Variants in GNA11 observed in about 807,000 individuals in gnomAD.
GNA11 encodes the protein guanine nucleotide-binding protein subunit alpha-11.
A neutral mutation model predicts 38.2 loss-of-function variants in GNA11; 8 were observed. The observed-to-expected ratio is 0.21, with a 90% CI of 0.12 to 0.38. GNA11 has a LOEUF of 0.38. GNA11 is among the 10% of genes least tolerant of loss of function. The probability of loss-of-function intolerance (pLI) is 1.00; values close to 1 mark genes in which losing one functional copy is unlikely to be tolerated. For synonymous variants in GNA11, 211 were observed against 221.4 expected (o/e 0.95, Z 0.42); for missense variants, 268 against 516.3 (o/e 0.52, Z 4.66).
At chr19:3,115,257 T>C in intron 4 of GNA11, 185 bp downstream of exon 4, 1 of 568,222 alleles carries the variant, frequency 1.8e-6, no homozygotes. Flanking sequence ...TTTTAAAAAT[T>C]AGCTGGGCGT....
chr19:3,115,778 T>G (rs1599305489), intron 4 of GNA11, among the ~76,000 whole-genome samples: 3 of 11,742 alleles, frequency 2.6e-4, no homozygotes, highest in Non-Finnish European at 4.4e-4. Flanking sequence ...ACCGAGGCTG[T>G]GAGGGGAGGG....
intron 1 of GNA11, among the ~76,000 whole-genome samples, chr19:3,106,760 G>A (rs1459017134): frequency 1.3e-5 from 2 of 150,962 alleles, no homozygotes; most frequent in African/African-American, 2.5e-5. Context: ...ACATGTATGT[G>A]TGGGTGTGCA....
At position 3,108,687 on chromosome 19, in the gene GNA11, C is replaced by T. The variant is rs888755790; in HGVS notation, c.137-1462C>T. Among the ~76,000 whole-genome samples the T allele has an allele frequency of 3.3e-5, 5 of 152,158 alleles. No homozygotes were observed. The highest frequency in any genetic ancestry group is 2.1e-4 in the South Asian group (1 of 4,828). On this transcript the variant is annotated intron_variant, in intron 1 of 6. Coordinates refer to ENST00000078429, the MANE Select transcript of GNA11 (RefSeq NM_002067.5). This position sits in a 1 kb window ranked among gnomAD's most constrained non-coding sequence, Gnocchi z 4.5. The stretch of plus-strand genomic sequence containing the variant: ...GTGTAATGGGGTCACCCCAAAACTT[C>T]GCAACTTAAATTAACAAAACTTATT...
chr19:3,109,826 C>T lies in GNA11; in HGVS notation c.137-323C>T, dbSNP rs167422. On this transcript the variant is annotated intron_variant, in intron 1 of 6. Transcript: ENST00000078429. ...ACAGTCCCAGCTGCGGGGCCGGTGCCGTGCGACTTGATTTGGCCTGAGACC... is the reference window on the plus strand; with the variant it reads ...ACAGTCCCAGCTGCGGGGCCGGTGCTGTGCGACTTGATTTGGCCTGAGACC... 3.9e-3 allele frequency among the ~76,000 whole-genome samples: 596 copies of T among 152,272 alleles called. 7 individuals are homozygous for T. The highest frequency in any genetic ancestry group is 0.014 in the African/African-American group (564 of 41,548).
rs1470408452 is a variant in GNA11 at position 3,120,297 on chromosome 19, C to T, written c.890-692C>T. ...GGGCGCTGCACCTGCTCCAGCCGCA[C>T]GTGGCCCCTGCCCAGCAGCCTGTCC... is the stretch of plus-strand genomic sequence containing the variant. On this transcript the variant is annotated intron_variant, in intron 6 of 6. Coordinates refer to ENST00000078429, the MANE Select transcript of GNA11 (RefSeq NM_002067.5). This position sits in a 1 kb window ranked among gnomAD's most constrained non-coding sequence, Gnocchi z 5.9. Among the ~76,000 whole-genome samples, 2 of 151,990 alleles carry T rather than the reference C, an allele frequency of 1.3e-5. No homozygotes were observed. The highest frequency in any genetic ancestry group is 2.4e-5 in the African/African-American group (1 of 41,390).
intron 1 of GNA11, among the ~76,000 whole-genome samples, chr19:3,107,786 C>T (rs1038835307): frequency 2.0e-5 from 3 of 152,136 alleles, no homozygotes; most frequent in African/African-American, 7.2e-5. Flanking sequence ...GCCCAGGGTT[C>T]AGCACCGGTC....
At position 3,108,883 on chromosome 19, in the gene GNA11, G is replaced by C. The variant is rs897290834; in HGVS notation, c.137-1266G>C. ...AAGTTGGCTCCCTCTAGTGGCTGTT[G>C]GTGGGAGGCCTCAGTTCCTCACCAC... is the stretch of plus-strand genomic sequence containing the variant. On this transcript the variant is annotated intron_variant, in intron 1 of 6. Coordinates refer to ENST00000078429, the MANE Select transcript of GNA11 (RefSeq NM_002067.5). The surrounding 1 kb of genome is among the most constrained non-coding windows in gnomAD (Gnocchi z 4.5). Among the ~76,000 whole-genome samples, 13 of 152,162 alleles carry C rather than the reference G, an allele frequency of 8.5e-5. No homozygotes were observed. The highest frequency in any genetic ancestry group is 7.3e-5 in the Non-Finnish European group (5 of 68,038).
In GNA11 at chr19:3,122,226, A is replaced by G. The variant is rs1043666596; in HGVS notation, c.*1047A>G. On this transcript the variant is annotated 3_prime_UTR_variant, in exon 7 of 7. Transcript: ENST00000078429. The surrounding 1 kb of genome is among the most constrained non-coding windows in gnomAD (Gnocchi z 7.7). ...GAGGGTGGGTGGGGACTTTTACAGA[A>G]TATTCTCAGGTGTGTACCCGAGAGG... 12 of 232,858 alleles carry G rather than the reference A, an allele frequency of 5.2e-5. No individual in the cohort carries two copies. The highest frequency in any genetic ancestry group is 9.3e-5 in the Non-Finnish European group (11 of 117,662). The allele number at this position is 232,858 out of a possible 1,614,324, so 14.4% of individuals were successfully genotyped here.
chr19:3,115,792 G>A (rs1632359), intron 4 of GNA11, among the ~76,000 whole-genome samples: 24,649 of 72,464 alleles, frequency 0.34, 7,741 homozygotes, highest in Non-Finnish European at 0.48. Flanking sequence ...GGGAGGGGGG[G>A]GGTCACGGGG....
Position 3,110,042 on chromosome 19 carries a change from G to A in GNA11, c.137-107G>A. The A allele has an allele frequency of 1.2e-6, 1 of 865,858 alleles. No homozygotes were observed. Among genetic ancestry groups the A allele is most frequent in the Non-Finnish European group, 1.8e-6 (1 of 562,406 alleles). The allele number at this position is 865,858 out of a possible 1,614,324, so 53.6% of individuals were successfully genotyped here. A position where few individuals can be genotyped will look rare whatever the true frequency, so the allele number is the denominator to read the frequency against. ...GAGACGGTCAGCCTCACGTGCCTTGGTTTCCTGTGCTGGGTGCTGCAGCAC... is the reference window on the plus strand; with the variant it reads ...GAGACGGTCAGCCTCACGTGCCTTGATTTCCTGTGCTGGGTGCTGCAGCAC... On this transcript the variant is annotated intron_variant, in intron 1 of 6. Transcript: ENST00000078429. The surrounding 1 kb of genome is among the most constrained non-coding windows in gnomAD (Gnocchi z 5.4).
At position 3,122,949 on chromosome 19, in the gene GNA11, C is replaced by CA. The variant is rs908747806; in HGVS notation, c.*1770_*1771insA. 4.3e-6 allele frequency: 1 copy of CA among 233,442 alleles called. No individual in the cohort carries two copies. The highest frequency in any genetic ancestry group is 5.6e-5 in the Admixed American group (1 of 17,782). The allele number at this position is 233,442 out of a possible 1,614,324, so 14.5% of individuals were successfully genotyped here. Reference sequence around the variant, plus strand: ...GGAGACGGGGCTGGCGGGATACCCCCCCCCCGGCTTCCCCACACCACTTCT... The same window carrying CA: ...GGAGACGGGGCTGGCGGGATACCCCCACCCCCGGCTTCCCCACACCACTTCT... On this transcript the variant is annotated 3_prime_UTR_variant, in exon 7 of 7. Transcript: ENST00000078429. The surrounding 1 kb of genome is among the most constrained non-coding windows in gnomAD (Gnocchi z 7.7).
intron 3 of GNA11, 48 bp downstream of exon 3, chr19:3,113,532 C>T (rs778854114): frequency 1.1e-5 from 15 of 1,394,976 alleles, no homozygotes; most frequent in Admixed American, 2.2e-5. Flanking sequence ...AGCTGCGGGC[C>T]GGTGCCTGGG....
chr19:3,100,404 C>T (rs142254901), intron 1 of GNA11, among the ~76,000 whole-genome samples: 149 of 152,374 alleles, frequency 9.8e-4, no homozygotes, highest in Middle Eastern at 3.4e-3. Context: ...TCGTCAGCTG[C>T]GTGTCCTTGG....
chr19:3,121,156 C>T lies in GNA11; in HGVS notation c.1057C>T (p.Leu353Phe). ...GAAGGACACCATCCTGCAGCTCAAC[C>T]TCAAGGAGTACAACCTGGTCTGAGC... ...AVKDTILQLN[L>F]KEYNLV Residue 353 changes from leucine to phenylalanine, a missense_variant, in exon 7 of 7, where the codon CTC (leucine) becomes TTC (phenylalanine). Leu to Phe is a conservative substitution (Grantham distance 22, BLOSUM62 0). Around this residue, in one of 3 missense-constraint regions of GNA11, gnomAD observed 92 missense variants for 166.7 expected, o/e 0.55. Transcript: ENST00000078429. 6.2e-7 allele frequency: 1 copy of T among 1,613,590 alleles called. No homozygotes were observed. The highest frequency in any genetic ancestry group is 8.5e-7 in the Non-Finnish European group (1 of 1,179,768).
At position 3,122,682 on chromosome 19, in the gene GNA11, G is replaced by A. The variant is rs1023491691; in HGVS notation, c.*1503G>A. 5 of 233,440 alleles carry A rather than the reference G, an allele frequency of 2.1e-5. No homozygotes were observed. Among genetic ancestry groups the A allele is most frequent in the East Asian group, 6.0e-5 (1 of 16,602 alleles). The allele number at this position is 233,440 out of a possible 1,614,324, so 14.5% of individuals were successfully genotyped here. A position where few individuals can be genotyped will look rare whatever the true frequency, so the allele number is the denominator to read the frequency against. On this transcript the variant is annotated 3_prime_UTR_variant, in exon 7 of 7. Transcript: ENST00000078429. This position sits in a 1 kb window ranked among gnomAD's most constrained non-coding sequence, Gnocchi z 7.7. ...ATCGCCTGTGCTGCCTTCGCCCGCC[G>A]CCACACCGGGACCCTGCACGGCTGC...
chr19:3,112,213 T>C (rs1174308508), intron 2 of GNA11, among the ~76,000 whole-genome samples: 1 of 152,164 alleles, frequency 6.6e-6, no homozygotes, highest in Non-Finnish European at 1.5e-5. Context: ...GTGGGATTTT[T>C]GGGGTTTGTG....
In GNA11 at chr19:3,120,258, A is replaced by C. The variant is rs780744954; in HGVS notation, c.890-731A>C. 1.4e-3 allele frequency among the ~76,000 whole-genome samples: 212 copies of C among 151,590 alleles called. No individual in the cohort carries two copies. The highest frequency in any genetic ancestry group is 2.2e-3 in the Non-Finnish European group (152 of 67,810). ...GCGCAGGGCCCTGCTGTCCCTGGGC[A>C]GGGGAGTGGCGGGGGGCGCTGCACC... On this transcript the variant is annotated intron_variant, in intron 6 of 6. Transcript: ENST00000078429. This position sits in a 1 kb window ranked among gnomAD's most constrained non-coding sequence, Gnocchi z 5.9.
rs1383466276 is a variant in GNA11, at chr19:3,110,781, C to G, written c.321+448C>G. On this transcript the variant is annotated intron_variant, in intron 2 of 6. Transcript: ENST00000078429. The surrounding 1 kb of genome is among the most constrained non-coding windows in gnomAD (Gnocchi z 5.4). The stretch of plus-strand genomic sequence containing the variant: ...GGGCTGTACTTCTCACCTTCTCACA[C>G]TGTTTTTTTGTTTTGTTTTGTTTTG... Among the ~76,000 whole-genome samples, 1 of 142,376 alleles carries G rather than the reference C, an allele frequency of 7.0e-6. No individual in the cohort carries two copies. The highest frequency in any genetic ancestry group is 2.0e-4 in the East Asian group (1 of 4,940). The allele number at this position is 142,376 out of a possible 152,430, so 93.4% of individuals were successfully genotyped here. A position where few individuals can be genotyped will look rare whatever the true frequency, so the allele number is the denominator to read the frequency against.
chr19:3,102,161 A>G (rs1913521992), intron 1 of GNA11, among the ~76,000 whole-genome samples: 1 of 151,984 alleles, frequency 6.6e-6, no homozygotes, highest in Non-Finnish European at 1.5e-5. Context: ...TGAGTGAGTG[A>G]CACCATCCGC....
Sources: gnomAD v4.1 joint callset for allele counts (sites outside exome capture counted in the v4.1 genomes callset) on GRCh38, gnomAD v4.1.1 for gene constraint, gnomAD v4.1.1 regional missense constraint, Gnocchi (gnomAD v3.1) non-coding constraint, MANE v1.5 for transcripts, NCBI Gene and HGNC (gene_info 2026-07-23, HGNC 2026-07-21) for gene names.